RHOT2: variants seen among roughly 807,000 people sequenced by gnomAD.
RHOT2 encodes ras homolog family member T2.
In RHOT2, 90 loss-of-function variants were observed where a neutral mutation model predicts 81.6. The observed-to-expected ratio is 1.10, with a 90% CI of 0.93 to 1.31. The LOEUF is 1.31. Ranked by LOEUF, RHOT2 falls within the 40% of genes most tolerant of loss-of-function variation. The probability of loss-of-function intolerance (pLI) is 0.00; values close to 1 mark genes in which losing one functional copy is unlikely to be tolerated. For synonymous variants in RHOT2, 512 were observed against 370.9 expected (o/e 1.38, Z -4.37); for missense variants, 1,014 against 841.9 (o/e 1.20, Z -2.53).
In RHOT2 at chr16:670,510, G is replaced by A. The variant is rs1445908057; in HGVS notation, c.493G>A (p.Ala165Thr). ...ISELFYYAQKAVLHPTAPLYD... is the reference protein window; with the variant it reads ...ISELFYYAQKTVLHPTAPLYD... ...AGAGCTGTTCTACTACGCCCAGAAG[G>A]CCGTCCTGCATCCCACAGCCCCCCT... The change falls in exon 8 of 19, where the codon GCC (alanine) becomes ACC (threonine). Residue 165 changes from alanine (A) to threonine (T), a missense_variant. Physicochemically the swap from Ala to Thr is moderately conservative, Grantham distance 58. Coordinates refer to ENST00000315082, the MANE Select transcript of RHOT2 (RefSeq NM_138769.3). The A allele has an allele frequency of 1.2e-6, 2 of 1,608,526 alleles. No homozygotes were observed. Among genetic ancestry groups the A allele is most frequent in the Non-Finnish European group, 8.5e-7 (1 of 1,177,656 alleles).
rs145406076 is a variant in RHOT2 at position 671,953 on chromosome 16, C to T, written c.1048C>T (p.Arg350Cys). 165 of 1,612,200 alleles carry T rather than the reference C, an allele frequency of 1.0e-4. 2 individuals are homozygous for T. The highest frequency in any genetic ancestry group is 7.7e-4 in the South Asian group (70 of 91,076). The stretch of plus-strand genomic sequence containing the variant: ...GGGCCCCGAGCTCCCACGCACAGTC[C>T]GCACAGAGGCCGGCCGGTTGCCCCT... The part of the protein sequence containing the change: ...PWGPELPRTV[R>C]TEAGRLPLHG... Residue 350 changes from arginine (R) to cysteine (C), a missense_variant, in exon 13 of 19, where the codon CGC becomes TGC. Coordinates refer to ENST00000315082, the MANE Select transcript of RHOT2 (RefSeq NM_138769.3).
At position 673,040 on chromosome 16, in the gene RHOT2, G is replaced by A. The variant is rs547237251; in HGVS notation, c.1640G>A (p.Arg547Gln). ...CCGGCCGAGTTTTGCCGCAAGCACC[G>A]GCTACCCGCTCCCGTGCCGTTCTCC... is the stretch of plus-strand genomic sequence containing the variant. ...PSPAEFCRKH[R>Q]LPAPVPFSCA... Residue 547 changes from arginine (R) to glutamine (Q), a missense_variant, in exon 18 of 19, where the codon CGG (arginine) becomes CAG (glutamine). By Grantham distance (43) the Arg-to-Gln change is conservative. Coordinates refer to ENST00000315082, the MANE Select transcript of RHOT2 (RefSeq NM_138769.3). 30 of 1,612,118 alleles carry A rather than the reference G, an allele frequency of 1.9e-5. No individual in the cohort carries two copies. Among genetic ancestry groups the A allele is most frequent in the South Asian group, 1.3e-4 (12 of 91,082 alleles).
intron 11 of RHOT2, chr16:671,438 C>T (rs1042984786): frequency 3.3e-5 from 23 of 704,298 alleles, no homozygotes; most frequent in Middle Eastern, 3.1e-4. Flanking sequence ...TTTGCCAACC[C>T]CGCTCGCGTG....
At position 673,085 on chromosome 16, in the gene RHOT2, C is replaced by T; in HGVS notation, c.1685C>T (p.Pro562Leu). 3 of 1,611,752 alleles carry T rather than the reference C, an allele frequency of 1.9e-6. No homozygotes were observed. The highest frequency in any genetic ancestry group is 2.5e-6 in the Non-Finnish European group (3 of 1,179,934). Reference protein sequence around the residue: ...VPFSCAGPAEPSTTIFTQLAT... With the variant: ...VPFSCAGPAELSTTIFTQLAT... Reference sequence around the variant, plus strand: ...TTCTCCTGTGCTGGCCCAGCCGAGCCCAGCACCACCATCTTCACCCAGCTC... The same window carrying T: ...TTCTCCTGTGCTGGCCCAGCCGAGCTCAGCACCACCATCTTCACCCAGCTC... Residue 562 changes from proline to leucine, a missense_variant, in exon 18 of 19, where the codon CCC (proline) becomes CTC (leucine). Pro to Leu is a moderately conservative substitution (Grantham distance 98). Coordinates refer to ENST00000315082, the MANE Select transcript of RHOT2 (RefSeq NM_138769.3).
Position 672,105 on chromosome 16 carries a change from C to A in RHOT2, c.1119C>A (p.Val373=), listed in dbSNP as rs1268755265. The change falls in exon 14 of 19, where the codon GTC becomes GTA. Residue 373 remains valine, a synonymous_variant. Coordinates refer to ENST00000315082, the MANE Select transcript of RHOT2 (RefSeq NM_138769.3). Reference sequence around the variant, plus strand: ...CCAGCCTGGTGACCTACCTGGACGTCCGGAGCTGCCTTGGACACCTAGGCT... The same window carrying A: ...CCAGCCTGGTGACCTACCTGGACGTACGGAGCTGCCTTGGACACCTAGGCT... ...CQWTLVTYLD[V]RSCLGHLGYL... The A allele has an allele frequency of 6.2e-7, 1 of 1,612,450 alleles. No individual in the cohort carries two copies. Among genetic ancestry groups the A allele is most frequent in the East Asian group, 2.2e-5 (1 of 44,868 alleles).
intron 4 of RHOT2, 186 bp downstream of exon 4, chr16:668,885 G>T (rs2151441278): frequency 1.7e-6 from 1 of 584,538 alleles, no homozygotes; most frequent in Non-Finnish European, 2.9e-6. Flanking sequence ...GCTCAGTCCA[G>T]TGGTGCTCCA....
chr16:670,397 G>A, intron 7 of RHOT2, 40 bp downstream of exon 7: 1 of 1,610,424 alleles, frequency 6.2e-7, no homozygotes. Context: ...TTCATTCCTT[G>A]TGTTCTCAGT....
chr16:669,997 C>A, intron 5 of RHOT2, 126 bp from the exon 6 acceptor site: 1 of 846,396 alleles, frequency 1.2e-6, no homozygotes, highest in South Asian at 1.8e-5. Context: ...GTTCCTGTGG[C>A]CGGGACTTGG....
rs1221355670 is a variant in RHOT2, at chr16:671,714, G to C, written c.887G>C (p.Gly296Ala). ...CCCTGCAGGATCCACGTGCCCCCCGGCTGCAGCACGGAGCTCAACCACCTT... is the reference window on the plus strand; with the variant it reads ...CCCTGCAGGATCCACGTGCCCCCCGCCTGCAGCACGGAGCTCAACCACCTT... Reference protein sequence around the residue: ...YLSPLIHVPPGCSTELNHLGY... With the variant: ...YLSPLIHVPPACSTELNHLGY... Residue 296 changes from glycine (G) to alanine (A), a missense_variant, in exon 12 of 19, where the codon GGC becomes GCC. Gly to Ala is a moderately conservative substitution (Grantham distance 60). Coordinates refer to ENST00000315082, the MANE Select transcript of RHOT2 (RefSeq NM_138769.3). 2 of 1,612,310 alleles carry C rather than the reference G, an allele frequency of 1.2e-6. No homozygotes were observed. Among genetic ancestry groups the C allele is most frequent in the East Asian group, 2.2e-5 (1 of 44,858 alleles).
chr16:671,815 C>CT, intron 12 of RHOT2, 34 bp downstream of exon 12: 8 of 1,318,774 alleles, frequency 6.1e-6, no homozygotes, highest in South Asian at 4.4e-5. Flanking sequence ...CCCCTGCCCC[C>CT]GCCCCCTCCC....
rs968794881 is a variant in RHOT2 at position 671,076 on chromosome 16, G to C, written c.749-7G>C. 3.7e-6 allele frequency: 6 copies of C among 1,608,832 alleles called. No homozygotes were observed. Among genetic ancestry groups the C allele is most frequent in the Non-Finnish European group, 5.1e-6 (6 of 1,179,744 alleles). ...CCTGGTGCTCCCCCTGCTTTGTCTC[G>C]GTGCAGGTTTCCTCTTCCTGAACAC... On this transcript the variant is annotated splice_polypyrimidine_tract_variant and splice_region_variant and intron_variant, in intron 10 of 18. Coordinates refer to ENST00000315082, the MANE Select transcript of RHOT2 (RefSeq NM_138769.3).
chr16:671,022 T>C (rs932896227), intron 10 of RHOT2, 22 bp downstream of exon 10: 1 of 1,604,386 alleles, frequency 6.2e-7, no homozygotes, highest in Non-Finnish European at 8.5e-7. Context: ...TGCCCGCCTG[T>C]GCCTGGGGAG....
At position 673,587 on chromosome 16, in the gene RHOT2, TC is replaced by T. The variant is rs1413022360; in HGVS notation, c.1840del (p.Leu614TrpfsTer2). The T allele has an allele frequency of 6.2e-7, 1 of 1,609,180 alleles. No individual in the cohort carries two copies. The highest frequency in any genetic ancestry group is 1.1e-5 in the South Asian group (1 of 90,918). ...GTCCTCAGCTTCTCACTCTACAGGGTCCTGGTGAAGAGCCAGTGAGGCCCCT... is the reference window on the plus strand; with the variant it reads ...GTCCTCAGCTTCTCACTCTACAGGGTCTGGTGAAGAGCCAGTGAGGCCCCT... ...AAVLSFSLYR[V>X]LVKSQ On this transcript the variant is annotated frameshift_variant, in exon 19 of 19. Transcript: ENST00000315082. LOFTEE classifies it high-confidence loss of function.
rs367726330 is a variant in RHOT2 at position 668,356 on chromosome 16, A to G, written c.41A>G (p.Gln14Arg). 5.6e-6 allele frequency: 8 copies of G among 1,419,270 alleles called. No individual in the cohort carries two copies. The highest frequency in any genetic ancestry group is 7.3e-6 in the Non-Finnish European group (8 of 1,094,138). The allele number at this position is 1,419,270 out of a possible 1,614,324, so 87.9% of individuals were successfully genotyped here. ...DVRILLLGEAQVGKTSLILSL... is the reference protein window; with the variant it reads ...DVRILLLGEARVGKTSLILSL... ...CTGACCGCCTCGCCCCGCGCAGCCC[A>G]GGTGGGGAAGACGTCGCTGATCCTG... Residue 14 changes from glutamine (Q) to arginine (R), a missense_variant, in exon 2 of 19, where the codon CAG becomes CGG. Physicochemically the swap from Gln to Arg is conservative, Grantham distance 43 (BLOSUM62 1). Coordinates refer to ENST00000315082, the MANE Select transcript of RHOT2 (RefSeq NM_138769.3).
At chr16:673,452 A>G in intron 18 of RHOT2, 28 bp from the exon 19 acceptor site, 1 of 1,612,370 alleles carries the variant, frequency 6.2e-7, no homozygotes. Flanking sequence ...TGCCTGAGGT[A>G]TCTGCAGATG....
rs1476328358 is a variant in RHOT2, at chr16:668,216, G to C, written c.17G>C (p.Arg6Pro). The C allele has an allele frequency of 1.8e-6, 1 of 548,084 alleles. No homozygotes were observed. The highest frequency in any genetic ancestry group is 1.9e-5 in the African/African-American group (1 of 51,538). The allele number at this position is 548,084 out of a possible 1,614,324, so 34.0% of individuals were successfully genotyped here. ...GCGGCAGCTATGAGGCGGGACGTGC[G>C]CATCCTGTTACTGGGCGAGGGTAGG... is the stretch of plus-strand genomic sequence containing the variant. MRRDV[R>P]ILLLGEAQVG... The change falls in exon 1 of 19, where the codon CGC (arginine) becomes CCC (proline). Residue 6 changes from arginine to proline, a missense_variant. By Grantham distance (103) the Arg-to-Pro change is moderately radical. Coordinates refer to ENST00000315082, the MANE Select transcript of RHOT2 (RefSeq NM_138769.3).
In RHOT2 at chr16:671,852, T is replaced by C. The variant is rs1194425377; in HGVS notation, c.955-8T>C. On this transcript the variant is annotated splice_region_variant and splice_polypyrimidine_tract_variant and intron_variant, in intron 12 of 18. Transcript: ENST00000315082. ...GGCACACACATCACCACATCCCTCC[T>C]TCTGCAGGACCGCGACGGCGCCCTC... 1 of 1,296,976 alleles carries C rather than the reference T, an allele frequency of 7.7e-7. No individual in the cohort carries two copies. The highest frequency in any genetic ancestry group is 5.0e-5 in the East Asian group (1 of 19,826). The allele number at this position is 1,296,976 out of a possible 1,614,324, so 80.3% of individuals were successfully genotyped here.
chr16:673,048 G>A lies in RHOT2; in HGVS notation c.1648G>A (p.Ala550Thr), dbSNP rs565631441. 45 of 1,611,858 alleles carry A rather than the reference G, an allele frequency of 2.8e-5. 2 individuals carry two copies. In the East Asian group the frequency reaches 4.2e-4, roughly 15 times the overall value. The change falls in exon 18 of 19, where the codon GCT becomes ACT. Residue 550 changes from alanine to threonine, a missense_variant. Physicochemically the swap from Ala to Thr is moderately conservative, Grantham distance 58. Coordinates refer to ENST00000315082, the MANE Select transcript of RHOT2 (RefSeq NM_138769.3). ...AEFCRKHRLP[A>T]PVPFSCAGPA... ...GTTTTGCCGCAAGCACCGGCTACCC[G>A]CTCCCGTGCCGTTCTCCTGTGCTGG...
intron 11 of RHOT2, 165 bp downstream of exon 11, chr16:671,368 T>C: frequency 2.1e-6 from 2 of 950,622 alleles, no homozygotes; most frequent in Non-Finnish European, 3.0e-6. Flanking sequence ...CTTGCCTGGC[T>C]GTGCCCTGAA....
Sources: gnomAD v4.1 joint callset for allele counts on GRCh38, gnomAD v4.1.1 for gene constraint, MANE v1.5 for transcripts, NCBI Gene and HGNC (gene_info 2026-07-23, HGNC 2026-07-21) for gene names.